The following AFAP1 variants were observed in gnomAD, a reference collection of about 807,000 sequenced individuals.
AFAP1 encodes actin filament associated protein 1.
AFAP1 carries 75 observed loss-of-function variants against 93.9 expected under a neutral mutation model. The ratio of observed to expected loss-of-function variants is 0.80; its 90% CI spans 0.66 to 0.97. The LOEUF (loss-of-function observed/expected upper bound fraction) is 0.97. Among genes scored for constraint, AFAP1 ranks in the 50% least tolerant of loss-of-function variants. AFAP1 has a pLI of 0.00. For missense variants in AFAP1, 1,201 were observed against 1,050.8 expected, an observed-to-expected ratio of 1.14 and a Z score of -1.98; for synonymous variants, 517 against 430.7, an observed-to-expected ratio of 1.20 and a Z score of -2.48.
intron 3 of AFAP1, among the ~76,000 whole-genome samples, chr4:7,857,945 C>T (rs1288126396): frequency 6.6e-6 from 1 of 152,016 alleles, no homozygotes; most frequent in Non-Finnish European, 1.5e-5. Context: ...CCCTTAGATC[C>T]AATAATTCCA....
At chr4:7,927,282 A>G (rs865795466) in intron 1 of AFAP1, among the ~76,000 whole-genome samples, 1 of 152,202 alleles carries the variant, frequency 6.6e-6, no homozygotes, top group South Asian at 2.1e-4. Flanking sequence ...GCCATCTATG[A>G]TAACAGCTAA....
At chr4:7,905,006 C>G (rs913034265) in intron 1 of AFAP1, among the ~76,000 whole-genome samples, 3 of 152,170 alleles carry the variant, frequency 2.0e-5, no homozygotes, top group African/African-American at 7.2e-5. Flanking sequence ...CTGTGCCCAG[C>G]CCTACAAATG....
At chr4:7,841,869 G>A (rs1713056061) in intron 5 of AFAP1, among the ~76,000 whole-genome samples, 1 of 151,020 alleles carries the variant, frequency 6.6e-6, no homozygotes, top group Non-Finnish European at 1.5e-5. Flanking sequence ...GCAGGGGAGG[G>A]GGGAAGAAGT....
chr4:7,899,421 A>G (rs1010486533), intron 1 of AFAP1, among the ~76,000 whole-genome samples: 1 of 152,220 alleles, frequency 6.6e-6, no homozygotes, highest in Non-Finnish European at 1.5e-5. Context: ...TCAATAATAC[A>G]ACATGCACTG....
intron 1 of AFAP1, among the ~76,000 whole-genome samples, chr4:7,920,975 T>C (rs975897263): frequency 1.3e-5 from 2 of 151,496 alleles, no homozygotes; most frequent in Non-Finnish European, 2.9e-5. Context: ...ATATTATATA[T>C]ATTTTTGTAG....
intron 13 of AFAP1, among the ~76,000 whole-genome samples, chr4:7,779,440 C>T (rs984380418): frequency 5.3e-5 from 8 of 152,206 alleles, no homozygotes; most frequent in Non-Finnish European, 8.8e-5. Context: ...CCACTAACTA[C>T]AGGTTTCTGA....
intron 6 of AFAP1, among the ~76,000 whole-genome samples, chr4:7,834,976 G>A (rs1341435182): frequency 7.0e-6 from 1 of 143,606 alleles, no homozygotes; most frequent in Non-Finnish European, 1.5e-5. Context: ...TTACCTGGGT[G>A]GCTCTTGAAT....
intron 1 of AFAP1, among the ~76,000 whole-genome samples, chr4:7,918,455 C>A (rs1351615315): frequency 6.9e-6 from 1 of 145,634 alleles, no homozygotes; most frequent in African/African-American, 2.5e-5. Context: ...CCCAGGTCAC[C>A]CACAAACAGG....
At chr4:7,851,051 C>CAGCAGGAGAGTAG (rs1714379295) in intron 4 of AFAP1, among the ~76,000 whole-genome samples, 1 of 152,186 alleles carries the variant, frequency 6.6e-6, no homozygotes, top group Non-Finnish European at 1.5e-5. Flanking sequence ...CCTCACTGCT[C>CAGCAGGAGAGTAG]CGCAGGTTGG....
intron 10 of AFAP1, among the ~76,000 whole-genome samples, chr4:7,797,132 T>A (rs997844760): frequency 2.0e-5 from 3 of 151,994 alleles, no homozygotes; most frequent in African/African-American, 7.3e-5. Context: ...AACGAATAAT[T>A]AAATGGGAAT....
Position 7,789,270 on chromosome 4 carries a change from G to A in AFAP1, c.1413-2959C>T, listed in dbSNP as rs16841255. On this transcript the variant is annotated intron_variant, in intron 11 of 17. Transcript: ENST00000420658. ...GTGGAAATGAAGTAAGAGGCCACAT[G>A]CCACTTGTTACACCAAAACCAGGAG... Among the ~76,000 whole-genome samples, 1,053 of 152,254 alleles carry A rather than the reference G, an allele frequency of 6.9e-3. 40 individuals are homozygous for A. The highest frequency in any genetic ancestry group is 0.059 in the Admixed American group (909 of 15,298).
intron 9 of AFAP1, among the ~76,000 whole-genome samples, chr4:7,808,878 C>G (rs777263439): frequency 1.3e-5 from 2 of 152,138 alleles, no homozygotes; most frequent in Non-Finnish European, 2.9e-5. Flanking sequence ...GCCCTTGCCA[C>G]GAGTAAAAGC....
chr4:7,879,569 T>A (rs114019155), intron 1 of AFAP1, among the ~76,000 whole-genome samples: 1,680 of 152,246 alleles, frequency 0.011, 30 homozygotes, highest in African/African-American at 0.038. Flanking sequence ...CCACGGAATT[T>A]AGCATTCCCA....
chr4:7,781,932 T>C (rs962517858), intron 12 of AFAP1, among the ~76,000 whole-genome samples: 1 of 152,222 alleles, frequency 6.6e-6, no homozygotes, highest in Non-Finnish European at 1.5e-5. Flanking sequence ...ATGAAGTTTT[T>C]GTTTTGTCCT....
chr4:7,852,428 G>T (rs1333893187), intron 4 of AFAP1, among the ~76,000 whole-genome samples: 1 of 152,192 alleles, frequency 6.6e-6, no homozygotes, highest in Admixed American at 6.5e-5. Flanking sequence ...CAGTGGCTGA[G>T]GTGACGGACC....
At chr4:7,809,920 G>A (rs770147515) in intron 8 of AFAP1, among the ~76,000 whole-genome samples, 157 bp from the exon 9 acceptor site, 15 of 152,026 alleles carry the variant, frequency 9.9e-5, no homozygotes, top group Admixed American at 2.0e-4. Flanking sequence ...GTGCAGTGTT[G>A]TGATCACAGC....
chr4:7,848,079 G>A (rs1011000282), intron 4 of AFAP1, among the ~76,000 whole-genome samples: 3 of 140,402 alleles, frequency 2.1e-5, no homozygotes, highest in Admixed American at 7.2e-5. Context: ...GTGGGTGGAC[G>A]GAAGGAGGGA....
At chr4:7,879,183 G>A (rs547871044) in intron 1 of AFAP1, among the ~76,000 whole-genome samples, 50 of 152,266 alleles carry the variant, frequency 3.3e-4, no homozygotes, top group African/African-American at 1.2e-3. Flanking sequence ...CACCTCTCCC[G>A]TCTGCACAGC....
chr4:7,855,067 C>T (rs578016538), intron 4 of AFAP1, among the ~76,000 whole-genome samples: 1 of 152,324 alleles, frequency 6.6e-6, no homozygotes, highest in African/African-American at 2.4e-5. Flanking sequence ...ATTTCTGGCC[C>T]AACAGCCAAC....
Sources: allele counts gnomAD v4.1 joint callset (sites outside exome capture counted in the v4.1 genomes callset), GRCh38; gene constraint gnomAD v4.1.1; transcripts MANE v1.5; gene names NCBI Gene and HGNC (gene_info 2026-07-23, HGNC 2026-07-21).